PRKCE: variants seen among roughly 807,000 people sequenced by gnomAD.
PRKCE encodes the protein protein kinase C epsilon type.
In PRKCE, 16 loss-of-function variants were observed where a neutral mutation model predicts 85.4. The observed-to-expected ratio is 0.19, with a 90% CI of 0.13 to 0.28. The LOEUF (loss-of-function observed/expected upper bound fraction) is 0.28. Among genes scored for constraint, PRKCE ranks in the 10% least tolerant of loss-of-function variants. The pLI is 1.00. For synonymous variants in PRKCE, 388 were observed against 371.5 expected (o/e 1.04, Z -0.51); for missense variants, 573 against 975.2 (o/e 0.59, Z 5.49).
intron 10 of PRKCE, among the ~76,000 whole-genome samples, chr2:46,067,523 G>A (rs754485694): frequency 3.2e-4 from 49 of 152,170 alleles, no homozygotes; most frequent in Non-Finnish European, 5.7e-4. Context: ...TGTTTGGTGC[G>A]TATTCAGGTT....
chr2:46,170,263 TAG>T (rs2104650259), intron 14 of PRKCE, among the ~76,000 whole-genome samples: 1 of 152,362 alleles, frequency 6.6e-6, no homozygotes, highest in South Asian at 2.1e-4. Context: ...TCGTCTTTTC[TAG>T]AGTTTCTTAT....
At chr2:45,713,900 G>A (rs141542702) in intron 1 of PRKCE, among the ~76,000 whole-genome samples, 63 of 152,292 alleles carry the variant, frequency 4.1e-4, no homozygotes, top group African/African-American at 1.5e-3. Context: ...ATTCTATAAA[G>A]CATTGGTTTG....
chr2:45,982,549 T>A (rs948197144), intron 5 of PRKCE, among the ~76,000 whole-genome samples: 29 of 151,726 alleles, frequency 1.9e-4, no homozygotes, highest in African/African-American at 6.8e-4. Flanking sequence ...TGGTGTCACA[T>A]TTTTTTTTCT....
chr2:46,029,969 C>A (rs900243331), intron 10 of PRKCE, among the ~76,000 whole-genome samples: 1 of 152,154 alleles, frequency 6.6e-6, no homozygotes, highest in African/African-American at 2.4e-5. Context: ...AATACCCTCT[C>A]TGTGACGCAA....
At chr2:45,709,211 G>A (rs1679389323) in intron 1 of PRKCE, among the ~76,000 whole-genome samples, 1 of 152,228 alleles carries the variant, frequency 6.6e-6, no homozygotes, top group African/African-American at 2.4e-5. Flanking sequence ...GGTGGCAGGT[G>A]CTGGTCAGGA....
At chr2:45,758,922 G>A (rs1244541591) in intron 1 of PRKCE, among the ~76,000 whole-genome samples, 3 of 152,186 alleles carry the variant, frequency 2.0e-5, no homozygotes, top group Admixed American at 6.5e-5. Flanking sequence ...GTGAATTTGT[G>A]GGGAGTCCGG....
At chr2:45,723,965 G>A (rs2104486510) in intron 1 of PRKCE, among the ~76,000 whole-genome samples, 1 of 152,268 alleles carries the variant, frequency 6.6e-6, no homozygotes, top group Admixed American at 6.5e-5. Context: ...CATTCTTTGA[G>A]GAGACCCTGC....
At chr2:45,778,903 G>A (rs1159252926) in intron 1 of PRKCE, among the ~76,000 whole-genome samples, 6 of 152,178 alleles carry the variant, frequency 3.9e-5, no homozygotes, top group Non-Finnish European at 8.8e-5. Context: ...TCTTCCCAGT[G>A]AGTGGATCCA....
intron 1 of PRKCE, among the ~76,000 whole-genome samples, chr2:45,715,322 G>A (rs890499026): frequency 3.3e-5 from 5 of 152,236 alleles, no homozygotes; most frequent in Admixed American, 2.6e-4. Flanking sequence ...CCTTGTGGGA[G>A]GAAGCTTCTT....
intron 1 of PRKCE, among the ~76,000 whole-genome samples, chr2:45,772,188 C>A (rs1381999712): frequency 6.6e-6 from 1 of 151,762 alleles, no homozygotes; most frequent in African/African-American, 2.4e-5. Flanking sequence ...CTTCATAAAG[C>A]TGGATAGCAG....
intron 2 of PRKCE, among the ~76,000 whole-genome samples, chr2:45,937,037 A>G (rs1699513875): frequency 6.6e-6 from 1 of 152,078 alleles, no homozygotes; most frequent in Non-Finnish European, 1.5e-5. Flanking sequence ...AGATGCTTGG[A>G]CCTTTTGTGG....
chr2:45,807,986 C>T (rs540339784), intron 1 of PRKCE, among the ~76,000 whole-genome samples: 1 of 152,180 alleles, frequency 6.6e-6, no homozygotes, highest in Admixed American at 6.5e-5. Context: ...CCACCCCCTG[C>T]ATCTGGACTA....
intron 11 of PRKCE, among the ~76,000 whole-genome samples, chr2:46,137,356 A>G (rs1675102892): frequency 6.6e-6 from 1 of 152,218 alleles, no homozygotes; most frequent in Non-Finnish European, 1.5e-5. Flanking sequence ...AAATTACTAT[A>G]CACAGAATTA....
intron 1 of PRKCE, among the ~76,000 whole-genome samples, chr2:45,841,658 C>G (rs1691359823): frequency 6.6e-6 from 1 of 152,222 alleles, no homozygotes; most frequent in African/African-American, 2.4e-5. Context: ...GCTTTGCATC[C>G]TTCAGTCCAA....
At chr2:46,170,627 C>G (rs1322855096) in intron 14 of PRKCE, among the ~76,000 whole-genome samples, 1 of 152,166 alleles carries the variant, frequency 6.6e-6, no homozygotes, top group East Asian at 1.9e-4. Context: ...AGCTCTATCT[C>G]AAAATTCTCT....
chr2:45,881,004 T>C (rs549692138), intron 2 of PRKCE, among the ~76,000 whole-genome samples: 79 of 151,762 alleles, frequency 5.2e-4, no homozygotes, highest in South Asian at 8.3e-4. Flanking sequence ...ATACAAAAAA[T>C]TAGCTGGGCG....
chr2:45,720,052 G>C (rs1573057173), intron 1 of PRKCE, among the ~76,000 whole-genome samples: 1 of 152,178 alleles, frequency 6.6e-6, no homozygotes, highest in African/African-American at 2.4e-5. Flanking sequence ...CCAAGCAGCA[G>C]AATCTAAAGT....
At chr2:45,976,395 C>G in intron 2 of PRKCE, 34 bp from the exon 3 acceptor site, 1 of 1,591,524 alleles carries the variant, frequency 6.3e-7, no homozygotes, top group East Asian at 2.2e-5. Flanking sequence ...CTAACCCAGA[C>G]TCCGTTTTCT....
At chr2:45,709,508 G>T (rs978856621) in intron 1 of PRKCE, among the ~76,000 whole-genome samples, 8 of 152,260 alleles carry the variant, frequency 5.3e-5, no homozygotes, top group African/African-American at 1.9e-4. Context: ...GTCTATGAAT[G>T]TGAATTTTGA....
Sources: allele counts gnomAD v4.1 joint callset (sites outside exome capture counted in the v4.1 genomes callset), GRCh38; gene constraint gnomAD v4.1.1; transcripts MANE v1.5; gene names NCBI Gene and HGNC (gene_info 2026-07-23, HGNC 2026-07-21).